The following CEP63 variants were observed in gnomAD, a reference collection of about 807,000 sequenced individuals.
CEP63 encodes the protein centrosomal protein of 63 kDa.
Under a neutral mutation model 89.1 loss-of-function variants are expected in CEP63, and 84 were observed. That is an observed-to-expected ratio of 0.94 (90% CI 0.79 to 1.13). The LOEUF is 1.13. Among genes scored for constraint, CEP63 ranks in the 50% most tolerant of loss-of-function variants. The pLI is 0.00. For synonymous variants in CEP63, 267 were observed against 272.5 expected (o/e 0.98, Z 0.20); for missense variants, 838 against 813.3 (o/e 1.03, Z -0.37).
the CEP63 span, among the ~76,000 whole-genome samples, chr3:134,632,885 C>G: frequency 5.9e-5 from 9 of 151,802 alleles, no homozygotes; most frequent in African/African-American, 2.2e-4. Context: ...AGGCAAGACA[C>G]AAATCAGGGG....
the CEP63 span, chr3:134,615,059 C>CAA: frequency 2.0e-4 from 31 of 152,190 alleles, no homozygotes; most frequent in Admixed American, 2.0e-3. Flanking sequence ...AATTTATGTA[C>CAA]TTGATTTCTT....
At chr3:134,629,905 C>T in the CEP63 span, among the ~76,000 whole-genome samples, 1 of 152,158 alleles carries the variant, frequency 6.6e-6, no homozygotes, top group Non-Finnish European at 1.5e-5. Context: ...GCACACTCAG[C>T]CCTGTCTCTC....
chr3:134,511,602 C>T (rs771313590), intron 3 of CEP63, among the ~76,000 whole-genome samples: 23 of 152,172 alleles, frequency 1.5e-4, no homozygotes, highest in Non-Finnish European at 1.5e-4. Flanking sequence ...GTTTAATTGA[C>T]TCACAGTTCC....
At chr3:134,646,624 A>G in the CEP63 span, among the ~76,000 whole-genome samples, 3 of 152,328 alleles carry the variant, frequency 2.0e-5, no homozygotes. Flanking sequence ...ATGGTAGAAC[A>G]TAGCAGTTTA....
At chr3:134,705,255 A>C in the CEP63 span, among the ~76,000 whole-genome samples, 93 of 152,222 alleles carry the variant, frequency 6.1e-4, no homozygotes, top group African/African-American at 1.3e-3. Context: ...GCTTCTAGGG[A>C]GGGTTTTTGT....
downstream of CEP63, among the ~76,000 whole-genome samples, chr3:134,569,683 A>G (rs1461290435): frequency 6.6e-6 from 1 of 152,012 alleles, no homozygotes; most frequent in Non-Finnish European, 1.5e-5. Context: ...CTGTCGGTGG[A>G]TCTACCGTTC....
At chr3:134,707,521 GA>G in the CEP63 span, among the ~76,000 whole-genome samples, 1 of 152,092 alleles carries the variant, frequency 6.6e-6, no homozygotes, top group Non-Finnish European at 1.5e-5. Context: ...CCTGTTCCTT[GA>G]TATTTCATTG....
chr3:134,499,347 G>C (rs1941242467), intron 2 of CEP63, among the ~76,000 whole-genome samples: 1 of 152,004 alleles, frequency 6.6e-6, no homozygotes, highest in African/African-American at 2.4e-5. Context: ...TATTTCTGTG[G>C]TTATCAGTTG....
the CEP63 span, among the ~76,000 whole-genome samples, chr3:134,630,934 A>AT: frequency 2.0e-5 from 3 of 152,254 alleles, no homozygotes; most frequent in Non-Finnish European, 4.4e-5. Context: ...GTAAGTGAAG[A>AT]TTTTAGACTG....
the CEP63 span, among the ~76,000 whole-genome samples, chr3:134,627,281 C>T: frequency 2.6e-5 from 4 of 152,082 alleles, no homozygotes; most frequent in African/African-American, 4.8e-5. Context: ...AGCTGCACCC[C>T]GCCTTAGATG....
chr3:134,535,082 A>G (rs548847686), intron 5 of CEP63, among the ~76,000 whole-genome samples: 1 of 151,938 alleles, frequency 6.6e-6, no homozygotes, highest in Non-Finnish European at 1.5e-5. Context: ...TTTTACCAGC[A>G]TCCAAATTTC....
At chr3:134,734,012 A>T in the CEP63 span, among the ~76,000 whole-genome samples, 33 of 152,350 alleles carry the variant, frequency 2.2e-4, 1 homozygote, top group Middle Eastern at 0.02. Flanking sequence ...ATTGTCCTTG[A>T]GGTATTAGCC....
chr3:134,758,149 G>A, the CEP63 span, among the ~76,000 whole-genome samples: 1 of 152,042 alleles, frequency 6.6e-6, no homozygotes, highest in African/African-American at 2.4e-5. Context: ...GCTTGTAAAC[G>A]GCACAATTGC....
chr3:134,557,863 T>C (rs1956546492), intron 12 of CEP63, among the ~76,000 whole-genome samples: 2 of 152,128 alleles, frequency 1.3e-5, no homozygotes, highest in African/African-American at 4.8e-5. Flanking sequence ...TGTTTCTGAT[T>C]CCCTCTTACA....
chr3:134,732,185 G>A, the CEP63 span, among the ~76,000 whole-genome samples: 1 of 152,132 alleles, frequency 6.6e-6, no homozygotes, highest in Non-Finnish European at 1.5e-5. Flanking sequence ...TAAACTGACA[G>A]AAGAAGGTAC....
At chr3:134,735,468 C>A in the CEP63 span, among the ~76,000 whole-genome samples, 7 of 152,020 alleles carry the variant, frequency 4.6e-5, no homozygotes, top group Non-Finnish European at 1.0e-4. Flanking sequence ...TTTTAAACAG[C>A]AAAATCAGCA....
At chr3:134,765,958 G>A in the CEP63 span, among the ~76,000 whole-genome samples, 6 of 152,302 alleles carry the variant, frequency 3.9e-5, no homozygotes, top group East Asian at 1.9e-4. Context: ...CACAGGGAGC[G>A]TTGTTTCTTC....
At chr3:134,657,341 T>C in the CEP63 span, among the ~76,000 whole-genome samples, 3 of 152,202 alleles carry the variant, frequency 2.0e-5, no homozygotes, top group Admixed American at 2.0e-4. Flanking sequence ...GGAGATACAA[T>C]TCAACTTGAG....
intron 1 of CEP63, among the ~76,000 whole-genome samples, chr3:134,493,929 G>A (rs1938667875): frequency 6.6e-6 from 1 of 152,046 alleles, no homozygotes; most frequent in Non-Finnish European, 1.5e-5. Flanking sequence ...AGGGTTTAAG[G>A]AAAAAGCATT....
Sources: gnomAD v4.1 joint callset for allele counts (sites outside exome capture counted in the v4.1 genomes callset) on GRCh38, gnomAD v4.1.1 for gene constraint, MANE v1.5 for transcripts, NCBI Gene and HGNC (gene_info 2026-07-23, HGNC 2026-07-21) for gene names.